The following TGFBRAP1 variants were observed in gnomAD, a reference collection of about 807,000 sequenced individuals.
TGFBRAP1 encodes transforming growth factor-beta receptor-associated protein 1.
TGFBRAP1 carries 20 observed loss-of-function variants against 83.2 expected under a neutral mutation model. The observed-to-expected ratio is 0.24, with a 90% CI of 0.17 to 0.35. The LOEUF (loss-of-function observed/expected upper bound fraction) is 0.35. TGFBRAP1 is among the 10% of genes least tolerant of loss of function. The pLI is 1.00. For missense variants in TGFBRAP1, 950 were observed against 1,099.4 expected (o/e 0.86, Z 1.92); for synonymous variants, 415 against 459.8 (o/e 0.90, Z 1.25).
rs141652583 is a variant in TGFBRAP1, at chr2:105,297,913, G to A, written c.883+598C>T. Among the ~76,000 whole-genome samples the A allele has an allele frequency of 5.4e-4, 82 of 152,146 alleles. 1 individual carries two copies. In the East Asian group the frequency reaches 0.014, roughly 26 times the overall value. On this transcript the variant is annotated intron_variant, in intron 3 of 11. Coordinates refer to ENST00000393359, the MANE Select transcript of TGFBRAP1 (RefSeq NM_004257.6). ...TACTTTGTCTCTCTTACCACTTTTC[G>A]GTCTGCTTCAAAGTGTTCAAAATAA...
At chr2:105,278,500 C>A (rs985693236) in intron 6 of TGFBRAP1, among the ~76,000 whole-genome samples, 3 of 152,110 alleles carry the variant, frequency 2.0e-5, no homozygotes, top group Admixed American at 2.0e-4. Flanking sequence ...GTTCAAGAAC[C>A]TGGGTTTCAA....
intron 7 of TGFBRAP1, among the ~76,000 whole-genome samples, chr2:105,276,244 A>G (rs1677340498): frequency 6.6e-6 from 1 of 152,212 alleles, no homozygotes; most frequent in South Asian, 2.1e-4. Flanking sequence ...TCCAGTGATA[A>G]AAGCCTTTTG....
At chr2:105,319,065 T>G (rs116538748) in intron 1 of TGFBRAP1, among the ~76,000 whole-genome samples, 1,687 of 150,864 alleles carry the variant, frequency 0.011, 17 homozygotes, top group East Asian at 0.023. Flanking sequence ...GAGCCTTTTT[T>G]TGTGTGTGTG....
At chr2:105,305,590 G>C (rs1457143515) in intron 2 of TGFBRAP1, among the ~76,000 whole-genome samples, 1 of 152,188 alleles carries the variant, frequency 6.6e-6, no homozygotes, top group Non-Finnish European at 1.5e-5. Context: ...ACATAACAGA[G>C]AGAAAATGTT....
downstream of TGFBRAP1, among the ~76,000 whole-genome samples, chr2:105,260,124 C>T (rs1676754579): frequency 6.6e-6 from 1 of 152,156 alleles, no homozygotes; most frequent in Admixed American, 6.5e-5. Flanking sequence ...GAAGAAAATT[C>T]ATGGCTGGGC....
intron 1 of TGFBRAP1, among the ~76,000 whole-genome samples, chr2:105,328,627 C>G (rs1679286135): frequency 6.6e-6 from 1 of 152,210 alleles, no homozygotes; most frequent in African/African-American, 2.4e-5. Context: ...CCCTGCACAC[C>G]TTCTCAGTGC....
chr2:105,262,393 G>A (rs1176577737), downstream of TGFBRAP1, among the ~76,000 whole-genome samples: 1 of 152,154 alleles, frequency 6.6e-6, no homozygotes, highest in Non-Finnish European at 1.5e-5. Context: ...CTCTTGCCAT[G>A]TGATGCATCT....
intron 10 of TGFBRAP1, among the ~76,000 whole-genome samples, chr2:105,271,335 G>A (rs563445665): frequency 1.1e-3 from 170 of 152,328 alleles, no homozygotes; most frequent in African/African-American, 4.0e-3. Flanking sequence ...TGGCCTGAGA[G>A]TTTTATAAGG....
the TGFBRAP1 span, among the ~76,000 whole-genome samples, chr2:105,252,357 C>CT: frequency 6.6e-6 from 1 of 152,184 alleles, no homozygotes. Context: ...ACAGGAGGCT[C>CT]TTTTTCCCCA....
At chr2:105,296,891 A>C (rs1678110120) in intron 3 of TGFBRAP1, among the ~76,000 whole-genome samples, 1 of 151,196 alleles carries the variant, frequency 6.6e-6, no homozygotes, top group African/African-American at 2.4e-5. Context: ...AATACACAAC[A>C]TTTTTAAAAC....
chr2:105,318,065 C>T (rs1678941493), intron 1 of TGFBRAP1, among the ~76,000 whole-genome samples: 1 of 152,142 alleles, frequency 6.6e-6, no homozygotes, highest in South Asian at 2.1e-4. Flanking sequence ...TTATCATTAC[C>T]TAGGAAGCCC....
intron 4 of TGFBRAP1, among the ~76,000 whole-genome samples, chr2:105,290,071 T>C (rs954856527): frequency 6.6e-6 from 1 of 152,224 alleles, no homozygotes; most frequent in Non-Finnish European, 1.5e-5. Flanking sequence ...TCTTTTTTTG[T>C]TGTTGTTGAG....
chr2:105,280,805 G>A (rs1677512934), intron 5 of TGFBRAP1, 82 bp from the exon 6 acceptor site: 3 of 1,394,752 alleles, frequency 2.2e-6, no homozygotes, highest in Non-Finnish European at 2.9e-6. Context: ...GGAGGGGAGC[G>A]CACGGTGGCA....
chr2:105,271,755 A>G (rs1396900205), intron 10 of TGFBRAP1, among the ~76,000 whole-genome samples: 2 of 152,198 alleles, frequency 1.3e-5, no homozygotes, highest in South Asian at 2.1e-4. Context: ...CTGTATTTAC[A>G]AAGTCATCTA....
chr2:105,320,688 A>G (rs1201477635), intron 1 of TGFBRAP1, among the ~76,000 whole-genome samples: 3 of 152,172 alleles, frequency 2.0e-5, no homozygotes, highest in Non-Finnish European at 4.4e-5. Flanking sequence ...CTATTAACCT[A>G]TTCTTATTGT....
At chr2:105,313,603 T>C (rs1678760489) in intron 1 of TGFBRAP1, among the ~76,000 whole-genome samples, 2 of 152,206 alleles carry the variant, frequency 1.3e-5, no homozygotes, top group Admixed American at 1.3e-4. Flanking sequence ...AACTTTGATA[T>C]TCAAGCCAGA....
chr2:105,285,299 A>G (rs533825955), intron 4 of TGFBRAP1, among the ~76,000 whole-genome samples: 61 of 152,274 alleles, frequency 4.0e-4, no homozygotes, highest in African/African-American at 1.4e-3. Flanking sequence ...TCACTCACCT[A>G]GCGTCTCCCA....
At chr2:105,299,467 A>C (rs1333658335) in intron 2 of TGFBRAP1, among the ~76,000 whole-genome samples, 1 of 152,186 alleles carries the variant, frequency 6.6e-6, no homozygotes, top group East Asian at 1.9e-4. Flanking sequence ...TCTCATGGTC[A>C]CATGGACACC....
chr2:105,292,175 A>T (rs558675051), intron 4 of TGFBRAP1, among the ~76,000 whole-genome samples: 170 of 152,330 alleles, frequency 1.1e-3, no homozygotes, highest in African/African-American at 4.0e-3. Context: ...AGAAAATTCA[A>T]TGGTGAGCAT....
Sources: allele counts gnomAD v4.1 joint callset (sites outside exome capture counted in the v4.1 genomes callset), GRCh38; gene constraint gnomAD v4.1.1; transcripts MANE v1.5; gene names NCBI Gene and HGNC (gene_info 2026-07-23, HGNC 2026-07-21).